LEPR: variants seen among roughly 807,000 people sequenced by gnomAD.
The protein encoded by LEPR is leptin receptor.
A neutral mutation model predicts 114.7 loss-of-function variants in LEPR; 56 were observed. That is an observed-to-expected ratio of 0.49 (90% CI 0.39 to 0.61). The LOEUF is 0.61. Ranked by LOEUF, LEPR falls within the 20% of genes least tolerant of loss-of-function variation. The pLI is 0.00. For synonymous variants in LEPR, 443 were observed against 461.4 expected (o/e 0.96, Z 0.51); for missense variants, 1,202 against 1,352.9 (o/e 0.89, Z 1.75).
At chr1:65,444,345 C>T (rs1015581871) in intron 2 of LEPR, among the ~76,000 whole-genome samples, 4 of 152,106 alleles carry the variant, frequency 2.6e-5, no homozygotes, top group Admixed American at 6.5e-5. Context: ...CACACCCTCT[C>T]ATAATGTGTT....
In LEPR at chr1:65,630,345, C is replaced by G. The variant is rs533241616; in HGVS notation, c.2674-5846C>G. On this transcript the variant is annotated intron_variant, in intron 19 of 19. Coordinates refer to ENST00000349533, the MANE Select transcript of LEPR (RefSeq NM_002303.6). ...GTTCACTTGTTTATCTGCTGACCCTCCCTCCACTATTGTCCTATGACCCTG... is the reference window on the plus strand; with the variant it reads ...GTTCACTTGTTTATCTGCTGACCCTGCCTCCACTATTGTCCTATGACCCTG... 5.1e-5 allele frequency: 11 copies of G among 217,680 alleles called. No homozygotes were observed. In the East Asian group the frequency reaches 1.6e-3, roughly 33 times the overall value. The allele number at this position is 217,680 out of a possible 1,614,324, so 13.5% of individuals were successfully genotyped here.
At position 65,456,417 on chromosome 1, in the gene LEPR, A is replaced by AG. The variant is rs1193730136; in HGVS notation, c.-21+31041dup. ...GTCCATTTCTGACAGAGGAGTATTC[A>AG]GGTCTCCAACTACAATCATGGATTC... On this transcript the variant is annotated intron_variant, in intron 2 of 19. Transcript: ENST00000349533. Among the ~76,000 whole-genome samples the AG allele has an allele frequency of 2.0e-5, 3 of 152,156 alleles. No individual in the cohort carries two copies. The East Asian group carries it at 5.8e-4, about 29-fold the overall frequency.
rs1557620282 is a variant in LEPR at position 65,488,217 on chromosome 1, TCTCTC to T, written c.-21+62840_-21+62844del. Among the ~76,000 whole-genome samples, 93 of 57,988 alleles carry T rather than the reference TCTCTC, an allele frequency of 1.6e-3. 5 individuals are homozygous for T. The highest frequency in any genetic ancestry group is 5.1e-3 in the South Asian group (7 of 1,374). The allele number at this position is 57,988 out of a possible 152,430, so 38.0% of individuals were successfully genotyped here. A position where few individuals can be genotyped will look rare whatever the true frequency, so the allele number is the denominator to read the frequency against. On this transcript the variant is annotated intron_variant, in intron 2 of 19. Transcript: ENST00000349533. ...CTTTCTTTCTTTCTTTCTTTCTCTC[TCTCTC>T]TCTCTCTTTCTTTCTTTCTTTCTTT...
chr1:65,606,431 A>G (rs1395790679), intron 11 of LEPR, among the ~76,000 whole-genome samples: 1 of 152,178 alleles, frequency 6.6e-6, no homozygotes, highest in Non-Finnish European at 1.5e-5. Context: ...TTGGGCTTAT[A>G]TTGCCTACTT....
At position 65,528,708 on chromosome 1, in the gene LEPR, C is replaced by A. The variant is rs142454659; in HGVS notation, c.-20-36838C>A. ...TGTAAGGCAAATTTCTCATTATTCA[C>A]CACCCCCAAAAAAAGAACATTGCAA... On this transcript the variant is annotated intron_variant, in intron 2 of 19. Coordinates refer to ENST00000349533, the MANE Select transcript of LEPR (RefSeq NM_002303.6). 9.3e-4 allele frequency among the ~76,000 whole-genome samples: 142 copies of A among 152,126 alleles called. 1 individual carries two copies. The highest frequency in any genetic ancestry group is 3.2e-3 in the African/African-American group (131 of 41,506).
intron 14 of LEPR, among the ~76,000 whole-genome samples, chr1:65,612,818 T>C (rs561310274): frequency 2.0e-5 from 3 of 152,170 alleles, no homozygotes; most frequent in Non-Finnish European, 2.9e-5. Context: ...ATCACAGATG[T>C]AAAATGCCAT....
chr1:65,521,302 A>G (rs1649622638), intron 2 of LEPR, among the ~76,000 whole-genome samples: 1 of 152,230 alleles, frequency 6.6e-6, no homozygotes, highest in South Asian at 2.1e-4. Context: ...CTAAATGGAA[A>G]AAGGGTTAAG....
At chr1:65,573,174 A>G (rs1164679372) in intron 5 of LEPR, among the ~76,000 whole-genome samples, 1 of 152,186 alleles carries the variant, frequency 6.6e-6, no homozygotes, top group Admixed American at 6.5e-5. Context: ...TGGCCTTCCC[A>G]TGTTATGGCT....
rs934278905 is a variant in LEPR at position 65,508,933 on chromosome 1, A to AT, written c.-20-56605dup. 2.4e-4 allele frequency among the ~76,000 whole-genome samples: 36 copies of AT among 151,762 alleles called. No homozygotes were observed. The East Asian group carries it at 3.5e-3, about 15-fold the overall frequency. On this transcript the variant is annotated intron_variant, in intron 2 of 19. Coordinates refer to ENST00000349533, the MANE Select transcript of LEPR (RefSeq NM_002303.6). ...CGGTTAAATTACTCCTAAGTATTTT[A>AT]TTTTTTTTGATACTAATGTAAATGG...
chr1:65,499,399 A>C (rs1452679757), intron 2 of LEPR, among the ~76,000 whole-genome samples: 1 of 151,996 alleles, frequency 6.6e-6, no homozygotes, highest in Non-Finnish European at 1.5e-5. Flanking sequence ...ATAATCCAAA[A>C]TTTTCAACAT....
chr1:65,591,187 T>C (rs1385825705), intron 5 of LEPR, among the ~76,000 whole-genome samples: 1 of 152,114 alleles, frequency 6.6e-6, no homozygotes, highest in Non-Finnish European at 1.5e-5. Context: ...TTATTAATCC[T>C]ATTTTTGTGT....
intron 19 of LEPR, 86 bp downstream of exon 19, chr1:65,623,067 A>C (rs2101014810): frequency 7.8e-7 from 1 of 1,275,506 alleles, no homozygotes; most frequent in East Asian, 2.5e-5. Flanking sequence ...AGCATTTTTA[A>C]GATTTAAAAG....
At position 65,610,039 on chromosome 1, in the gene LEPR, GC is replaced by G. The variant is rs1180554240; in HGVS notation, c.1846del (p.Leu616Ter). On this transcript the variant is annotated frameshift_variant, in exon 13 of 20. Coordinates refer to ENST00000349533, the MANE Select transcript of LEPR (RefSeq NM_002303.6). LOFTEE classifies it high-confidence loss of function. ...ATGCTGTTCAGGTGCGCTGTAAGAG[GC>G]TAGATGGACTGGGATATTGGAGTAA... ...VYAVQVRCKR[L>X]DGLGYWSNWS... is the part of the protein sequence containing the mutation. 1 of 1,614,224 alleles carries G rather than the reference GC, an allele frequency of 6.2e-7. No homozygotes were observed. Among genetic ancestry groups the G allele is most frequent in the Admixed American group, 1.7e-5 (1 of 60,032 alleles).
At chr1:65,432,094 A>G in intron 2 of LEPR, 1 of 1,312,744 alleles carries the variant, frequency 7.6e-7, no homozygotes. Flanking sequence ...ATTCTCAGCA[A>G]ATAGACCTGT....
chr1:65,577,980 C>T (rs932651764), intron 5 of LEPR, among the ~76,000 whole-genome samples: 1 of 151,050 alleles, frequency 6.6e-6, no homozygotes, highest in Non-Finnish European at 1.5e-5. Flanking sequence ...CCCCTACAGG[C>T]CCCAGTGTGT....
At chr1:65,610,931 C>A (rs1412221881) in intron 14 of LEPR, among the ~76,000 whole-genome samples, 3 of 152,112 alleles carry the variant, frequency 2.0e-5, no homozygotes, top group African/African-American at 7.2e-5. Flanking sequence ...AAGTTTAATA[C>A]CCAAGGTTGA....
chr1:65,453,246 AT>A lies in LEPR; in HGVS notation c.-21+27874del, dbSNP rs563287611. Among the ~76,000 whole-genome samples, 1,047 of 151,968 alleles carry A rather than the reference AT, an allele frequency of 6.9e-3. 10 individuals are homozygous for A. Among genetic ancestry groups the A allele is most frequent in the African/African-American group, 0.024 (994 of 41,422 alleles). ...AAAAAACCAGCTCCTGGATTCATTA[AT>A]TTTTTGAAGGGTTTTTTGTGTCTCT... On this transcript the variant is annotated intron_variant, in intron 2 of 19. Transcript: ENST00000349533.
chr1:65,524,356 C>T (rs1474188252), intron 2 of LEPR, among the ~76,000 whole-genome samples: 1 of 152,142 alleles, frequency 6.6e-6, no homozygotes, highest in East Asian at 1.9e-4. Flanking sequence ...TATTTTTCGC[C>T]TACCACAGAT....
Position 65,636,683 on chromosome 1 carries a change from G to A in LEPR, c.3166G>A (p.Gly1056Arg), listed in dbSNP as rs746940588. 8 of 1,608,952 alleles carry A rather than the reference G, an allele frequency of 5.0e-6. No homozygotes were observed. Among genetic ancestry groups the A allele is most frequent in the African/African-American group, 1.3e-5 (1 of 74,662 alleles). ...TTCACCACACCTCACATTCTCAGAA[G>A]GATTGGATGAACTTTTGAAATTGGA... is the stretch of plus-strand genomic sequence containing the variant. ...IISPHLTFSE[G>R]LDELLKLEGN... The change falls in exon 20 of 20, where the codon GGA (glycine) becomes AGA (arginine). Residue 1056 changes from glycine to arginine, a missense_variant. Gly to Arg is a moderately radical substitution (Grantham distance 125). Coordinates refer to ENST00000349533, the MANE Select transcript of LEPR (RefSeq NM_002303.6).
Sources: allele counts gnomAD v4.1 joint callset (sites outside exome capture counted in the v4.1 genomes callset), GRCh38; gene constraint gnomAD v4.1.1; transcripts MANE v1.5; gene names NCBI Gene and HGNC (gene_info 2026-07-23, HGNC 2026-07-21).